The following SHISA9 variants were observed in gnomAD, a reference collection of about 807,000 sequenced individuals.
SHISA9 encodes protein shisa-9.
SHISA9 carries 13 observed loss-of-function variants against 38.0 expected under a neutral mutation model. The ratio of observed to expected loss-of-function variants is 0.34; its 90% CI spans 0.22 to 0.54. The LOEUF (loss-of-function observed/expected upper bound fraction) is 0.54. Ranked by LOEUF, SHISA9 falls within the 20% of genes least tolerant of loss-of-function variation. SHISA9 has a pLI of 0.91. For missense variants in SHISA9, 538 were observed against 575.8 expected (o/e 0.93, Z 0.67); for synonymous variants, 275 against 242.0 (o/e 1.14, Z -1.27).
intron 2 of SHISA9, among the ~76,000 whole-genome samples, chr16:13,017,263 G>A (rs559346178): frequency 3.5e-4 from 54 of 152,150 alleles, no homozygotes; most frequent in African/African-American, 1.0e-3. Context: ...CAGGTGATCC[G>A]CCCGCCTTGG....
the SHISA9 span, among the ~76,000 whole-genome samples, chr16:13,373,513 A>G: frequency 6.6e-6 from 1 of 152,220 alleles, no homozygotes; most frequent in African/African-American, 2.4e-5. Context: ...CTGTAATCCC[A>G]GCACTTTGGG....
At chr16:13,446,646 T>C in the SHISA9 span, among the ~76,000 whole-genome samples, 12 of 152,026 alleles carry the variant, frequency 7.9e-5, no homozygotes, top group South Asian at 2.5e-3. Context: ...TGTGTGTGTA[T>C]GTGTGTGTGT....
intron 2 of SHISA9, among the ~76,000 whole-genome samples, chr16:13,075,373 A>C (rs1340368026): frequency 6.6e-6 from 1 of 152,194 alleles, no homozygotes; most frequent in Non-Finnish European, 1.5e-5. Flanking sequence ...AGGAGCTTGC[A>C]TGGCTCCCTG....
chr16:13,078,163 G>A (rs948176642), intron 2 of SHISA9, among the ~76,000 whole-genome samples: 7 of 152,148 alleles, frequency 4.6e-5, no homozygotes, highest in Non-Finnish European at 8.8e-5. Context: ...GTACACAGTT[G>A]CCTCTTAGTA....
intron 3 of SHISA9, among the ~76,000 whole-genome samples, chr16:13,210,211 G>C (rs1437327917): frequency 1.3e-5 from 2 of 152,118 alleles, no homozygotes; most frequent in Non-Finnish European, 2.9e-5. Flanking sequence ...TTCCTGATGG[G>C]CTTTGCAAAC....
At position 12,934,044 on chromosome 16, in the gene SHISA9, C is replaced by CAAAACAA. The variant is rs1260104454; in HGVS notation, c.691+17242_691+17248dup. 2.0e-5 allele frequency among the ~76,000 whole-genome samples: 3 copies of CAAAACAA among 151,314 alleles called. No individual in the cohort carries two copies. The South Asian group carries it at 6.3e-4, about 32-fold the overall frequency. On this transcript the variant is annotated intron_variant, in intron 2 of 4. Transcript: ENST00000558583. ...GAGTGGGGGGAAAGGGCATTCTAGC[C>CAAAACAA]AAAACAAAAAACAAAAAACTCCGCA...
intron 2 of SHISA9, among the ~76,000 whole-genome samples, chr16:13,088,647 T>C (rs1324419220): frequency 3.9e-5 from 6 of 152,218 alleles, no homozygotes; most frequent in Non-Finnish European, 8.8e-5. Context: ...TTGTGATTTT[T>C]GCACATTGAT....
intron 2 of SHISA9, among the ~76,000 whole-genome samples, chr16:13,088,232 G>A (rs1057135505): frequency 2.0e-5 from 3 of 152,118 alleles, no homozygotes; most frequent in Non-Finnish European, 4.4e-5. Context: ...TGGCCTTGTA[G>A]TATAGTTTGA....
At chr16:12,979,675 T>C (rs901447812) in intron 2 of SHISA9, among the ~76,000 whole-genome samples, 12 of 152,168 alleles carry the variant, frequency 7.9e-5, no homozygotes, top group African/African-American at 2.7e-4. Flanking sequence ...TTTCTTTTCT[T>C]TTTTTTCCTC....
At chr16:13,139,345 C>T (rs2050377444) in intron 2 of SHISA9, among the ~76,000 whole-genome samples, 2 of 136,280 alleles carry the variant, frequency 1.5e-5, no homozygotes, top group South Asian at 2.6e-4. Flanking sequence ...TTTCTTCACA[C>T]CCCTTCCCTC....
At chr16:13,536,179 A>G in the SHISA9 span, among the ~76,000 whole-genome samples, 1 of 151,870 alleles carries the variant, frequency 6.6e-6, no homozygotes, top group Non-Finnish European at 1.5e-5. Flanking sequence ...TTGTATTTTT[A>G]GTAGAGATGG....
chr16:13,505,542 C>A, the SHISA9 span, among the ~76,000 whole-genome samples: 1 of 152,188 alleles, frequency 6.6e-6, no homozygotes, highest in Non-Finnish European at 1.5e-5. Flanking sequence ...CAAATAATAG[C>A]AATAGCAGTA....
chr16:13,411,805 A>G, the SHISA9 span, among the ~76,000 whole-genome samples: 2 of 152,224 alleles, frequency 1.3e-5, no homozygotes, highest in Non-Finnish European at 2.9e-5. Context: ...AAGACACACA[A>G]GCTTTATTCT....
Position 13,236,189 on chromosome 16 carries a change from A to G in SHISA9, c.*780A>G, listed in dbSNP as rs1230672134. 1.3e-5 allele frequency: 2 copies of G among 152,192 alleles called. No homozygotes were observed. Among genetic ancestry groups the G allele is most frequent in the Non-Finnish European group, 2.9e-5 (2 of 68,044 alleles). The allele number at this position is 152,192 out of a possible 1,614,324, so 9.4% of individuals were successfully genotyped here. ...CTCCCATAAGGACCATGACCGTGGAAATGGGAGGGATGGGCTTTTACGGAG... is the reference window on the plus strand; with the variant it reads ...CTCCCATAAGGACCATGACCGTGGAGATGGGAGGGATGGGCTTTTACGGAG... On this transcript the variant is annotated 3_prime_UTR_variant, in exon 5 of 5. Coordinates refer to ENST00000558583, the MANE Select transcript of SHISA9 (RefSeq NM_001145204.3).
chr16:12,946,233 G>A (rs1377880261), intron 2 of SHISA9, among the ~76,000 whole-genome samples: 1 of 152,132 alleles, frequency 6.6e-6, no homozygotes, highest in Non-Finnish European at 1.5e-5. Context: ...ATGCTGTTTT[G>A]GTTACTGTAG....
At chr16:13,407,338 T>C in the SHISA9 span, among the ~76,000 whole-genome samples, 1 of 152,124 alleles carries the variant, frequency 6.6e-6, no homozygotes, top group Non-Finnish European at 1.5e-5. Context: ...CTGCTTCTTA[T>C]AAGGATGCTT....
intron 2 of SHISA9, among the ~76,000 whole-genome samples, chr16:13,055,029 C>A (rs544806458): frequency 6.6e-6 from 1 of 152,102 alleles, no homozygotes. Context: ...ACAAGCTGCC[C>A]CAAGTTTATA....
intron 3 of SHISA9, among the ~76,000 whole-genome samples, chr16:13,204,205 T>C (rs1373630316): frequency 1.2e-4 from 16 of 131,964 alleles, no homozygotes; most frequent in African/African-American, 4.6e-4. Context: ...ATTATCTGTC[T>C]GTCTGTCTAT....
chr16:13,049,982 G>C (rs2073232212), intron 2 of SHISA9, among the ~76,000 whole-genome samples: 1 of 152,114 alleles, frequency 6.6e-6, no homozygotes, highest in Non-Finnish European at 1.5e-5. Flanking sequence ...TTCTCAAGAA[G>C]AGAAACAACT....
Sources: allele counts gnomAD v4.1 joint callset (sites outside exome capture counted in the v4.1 genomes callset), GRCh38; gene constraint gnomAD v4.1.1; transcripts MANE v1.5; gene names NCBI Gene and HGNC (gene_info 2026-07-23, HGNC 2026-07-21).